ZCCHC18: variants seen among roughly 807,000 people sequenced by gnomAD.
ZCCHC18 encodes the protein zinc finger CCHC domain-containing protein 18.
For missense variants in ZCCHC18, 292 were observed against 305.1 expected (o/e 0.96, Z 0.32); for synonymous variants, 112 against 115.7 (o/e 0.97, Z 0.21).
In ZCCHC18 at chrX:104,114,454, C is replaced by T. The variant is rs782648857; in HGVS notation, c.343C>T (p.Arg115Trp). The T allele has an allele frequency of 3.3e-6, 4 of 1,209,783 alleles. No individual in the cohort carries two copies. Among genetic ancestry groups the T allele is most frequent in the East Asian group, 5.9e-5 (2 of 33,765 alleles). ...NPNLSVADFL[R>W]AMKLVFGESE... ...CAACCTAAGTGTAGCAGATTTCTTGCGGGCAATGAAATTGGTGTTTGGGGA... is the reference window on the plus strand; with the variant it reads ...CAACCTAAGTGTAGCAGATTTCTTGTGGGCAATGAAATTGGTGTTTGGGGA... Residue 115 changes from arginine to tryptophan, a missense_variant, in exon 3 of 3, where the codon CGG (arginine) becomes TGG (tryptophan). By Grantham distance (101) the Arg-to-Trp change is moderately radical (BLOSUM62 -3). Coordinates refer to ENST00000650639, the MANE Select transcript of ZCCHC18 (RefSeq NM_001143978.3).
Position 104,114,963 on chromosome X carries a change from T to C in ZCCHC18, c.852T>C (p.Ser284=). ...ATGAGGATGTGATCCTGGTGGTGTCTCTGTACCCTTCACTGACACCTACAG... is the reference window on the plus strand; with the variant it reads ...ATGAGGATGTGATCCTGGTGGTGTCCCTGTACCCTTCACTGACACCTACAG... ...DSDEDVILVV[S]LYPSLTPTGA... The change falls in exon 3 of 3, where the codon TCT becomes TCC. Residue 284 remains serine (S), a synonymous_variant. Transcript: ENST00000650639. 3.3e-6 allele frequency: 4 copies of C among 1,194,662 alleles called. No individual in the cohort carries two copies. The highest frequency in any genetic ancestry group is 4.5e-6 in the Non-Finnish European group (4 of 886,516).
rs1569461044 is a variant in ZCCHC18 at position 104,113,814 on chromosome X, C to G, written c.-298C>G. 7.1e-6 allele frequency: 2 copies of G among 280,481 alleles called. No individual in the cohort carries two copies. Among genetic ancestry groups the G allele is most frequent in the African/African-American group, 5.5e-5 (2 of 36,327 alleles). 23.1% of individuals were successfully genotyped at this position (280,481 alleles called of 1,213,427 possible). A position where few individuals can be genotyped will look rare whatever the true frequency, so the allele number is the denominator to read the frequency against. ...GTGGCTCTGAAAAACTACCTACTAG[C>G]CCAGGGACACCTGCTAGCTCTGGAA... On this transcript the variant is annotated 5_prime_UTR_variant, in exon 3 of 3. Transcript: ENST00000650639.
rs1337899629 is a variant in ZCCHC18, at chrX:104,114,302, G to A, written c.191G>A (p.Trp64Ter). The A allele has an allele frequency of 1.7e-6, 2 of 1,211,279 alleles. No homozygotes were observed. Among genetic ancestry groups the A allele is most frequent in the East Asian group, 3.0e-5 (1 of 33,831 alleles). ...CAGGGGAAAGAAACCTTTGAAAACT[G>A]GCTGATCCAAGTCAATGAGGTCCTG... The part of the protein sequence containing the change: ...PAQGKETFEN[W>*]LIQVNEVLPD... The change falls in exon 3 of 3, where the codon TGG (tryptophan) becomes TAG (stop). Residue 64 changes from tryptophan (W) to a stop codon, truncating the protein, a stop_gained. Transcript: ENST00000650639. LOFTEE classifies it low-confidence loss of function (END_TRUNC).
chrX:104,114,412 C>T lies in ZCCHC18; in HGVS notation c.301C>T (p.Leu101Phe). The T allele has an allele frequency of 1.7e-6, 2 of 1,212,056 alleles. No homozygotes were observed. Among genetic ancestry groups the T allele is most frequent in the Non-Finnish European group, 2.2e-6 (2 of 895,591 alleles). ...CCCTGCCCGGGAGGTCATGCGTTTG[C>T]TTCAGGCGGCCAACCCCAACCTAAG... ...RGPAREVMRL[L>F]QAANPNLSVA... is the part of the protein sequence containing the mutation. Residue 101 changes from leucine to phenylalanine, a missense_variant, in exon 3 of 3, where the codon CTT becomes TTT. Leu to Phe is a conservative substitution (Grantham distance 22, BLOSUM62 0). Coordinates refer to ENST00000650639, the MANE Select transcript of ZCCHC18 (RefSeq NM_001143978.3).
rs1556360082 is a variant in ZCCHC18 at position 104,113,795 on chromosome X, C to G, written c.-317C>G. The stretch of plus-strand genomic sequence containing the variant: ...CAGGCAGGAGGGGATGGATGTGGCT[C>G]TGAAAAACTACCTACTAGCCCAGGG... On this transcript the variant is annotated 5_prime_UTR_variant, in exon 3 of 3. Coordinates refer to ENST00000650639, the MANE Select transcript of ZCCHC18 (RefSeq NM_001143978.3). 8.0e-6 allele frequency: 2 copies of G among 248,596 alleles called. No individual in the cohort carries two copies. Among genetic ancestry groups the G allele is most frequent in the African/African-American group, 5.6e-5 (2 of 35,433 alleles). 20.5% of individuals were successfully genotyped at this position (248,596 alleles called of 1,213,427 possible).
rs1569461117 is a variant in ZCCHC18, at chrX:104,114,150, G to A, written c.39G>A (p.Gln13=). ...SITACVGNSR[Q]QNAPLPPWAH... ...CTGCGTGTGTGGGTAACAGCAGGCA[G>A]CAGAATGCACCTTTGCCGCCTTGGG... The change falls in exon 3 of 3, where the codon CAG becomes CAA. Residue 13 remains glutamine, a synonymous_variant. Transcript: ENST00000650639. The A allele has an allele frequency of 8.3e-7, 1 of 1,211,204 alleles. No individual in the cohort carries two copies. Among genetic ancestry groups the A allele is most frequent in the Non-Finnish European group, 1.1e-6 (1 of 895,140 alleles).
In ZCCHC18 at chrX:104,115,710, G is replaced by C. The variant is rs1331360574; in HGVS notation, c.*387G>C. 1 of 162,040 alleles carries C rather than the reference G, an allele frequency of 6.2e-6. No homozygotes were observed. The highest frequency in any genetic ancestry group is 3.1e-5 in the African/African-American group (1 of 32,065). The allele number at this position is 162,040 out of a possible 1,213,427, so 13.4% of individuals were successfully genotyped here. On this transcript the variant is annotated 3_prime_UTR_variant, in exon 3 of 3. Transcript: ENST00000650639. The stretch of plus-strand genomic sequence containing the variant: ...TGAATGTCCTTCCAGATATCTCCCT[G>C]TACCTGTGTACCCAGATAGATATAT...
Position 104,115,162 on chromosome X carries a change from T to C in ZCCHC18, c.1051T>C (p.Tyr351His), listed in dbSNP as rs1389180199. Residue 351 changes from tyrosine (Y) to histidine (H), a missense_variant, in exon 3 of 3, where the codon TAT becomes CAT. Tyr to His is a moderately conservative substitution (Grantham distance 83). Transcript: ENST00000650639. ...RKRKYTTRCS[Y>H]CGEEGHSKET... Reference sequence around the variant, plus strand: ...GCGAAAATACACAACCCGCTGCTCATATTGTGGGGAGGAGGGCCACTCAAA... The same window carrying C: ...GCGAAAATACACAACCCGCTGCTCACATTGTGGGGAGGAGGGCCACTCAAA... The C allele has an allele frequency of 1.7e-6, 2 of 1,207,252 alleles. No homozygotes were observed. The highest frequency in any genetic ancestry group is 2.2e-5 in the Admixed American group (1 of 45,464).
chrX:104,113,873 T>C lies in ZCCHC18; in HGVS notation c.-239T>C, dbSNP rs1489807079. The C allele has an allele frequency of 1.4e-5, 6 of 425,277 alleles. 1 individual carries two copies. The highest frequency in any genetic ancestry group is 2.4e-5 in the Non-Finnish European group (6 of 254,300). 35.0% of individuals were successfully genotyped at this position (425,277 alleles called of 1,213,427 possible). On this transcript the variant is annotated 5_prime_UTR_variant, in exon 3 of 3. The change abolishes the stop of an existing upstream ORF in the 5' untranslated region. Transcript: ENST00000650639. ...TTGCCAGTCTCCTGCAGGGTATTGT[T>C]AAGGCACTGGGCAGATATAAAATGC...
chrX:104,114,168 G>A lies in ZCCHC18; in HGVS notation c.57G>A (p.Pro19=). Residue 19 remains proline (P), a synonymous_variant, in exon 3 of 3, where the codon CCG becomes CCA. Coordinates refer to ENST00000650639, the MANE Select transcript of ZCCHC18 (RefSeq NM_001143978.3). The part of the protein sequence containing the change: ...GNSRQQNAPL[P]PWAHSMLRSL... ...GCAGGCAGCAGAATGCACCTTTGCCGCCTTGGGCCCATTCCATGTTGAGGT... is the reference window on the plus strand; with the variant it reads ...GCAGGCAGCAGAATGCACCTTTGCCACCTTGGGCCCATTCCATGTTGAGGT... 1.7e-6 allele frequency: 2 copies of A among 1,210,105 alleles called. No homozygotes were observed. Among genetic ancestry groups the A allele is most frequent in the Non-Finnish European group, 2.2e-6 (2 of 894,578 alleles).
chrX:104,115,057 T>C lies in ZCCHC18; in HGVS notation c.946T>C (p.Ser316Pro). ...GCTGGTTATTGATTCCCCCAACAAT[T>C]CTGGGGCTCAGTCTCTTTCTACCAG... ...QVLVIDSPNN[S>P]GAQSLSTSGG... Residue 316 changes from serine (S) to proline (P), a missense_variant, in exon 3 of 3, where the codon TCT (serine) becomes CCT (proline). By Grantham distance (74) the Ser-to-Pro change is moderately conservative (BLOSUM62 -1). Transcript: ENST00000650639. The C allele has an allele frequency of 8.4e-7, 1 of 1,197,490 alleles. No individual in the cohort carries two copies. Among genetic ancestry groups the C allele is most frequent in the Non-Finnish European group, 1.1e-6 (1 of 888,039 alleles).
chrX:104,114,742 GAGTTAATCA>G lies in ZCCHC18; in HGVS notation c.634_642del (p.Leu212_Lys214del), dbSNP rs782764132. ...GCAGGAGCGGCTTCCCAATTTCCTGGAGTTAATCAAGATGATAAGGGAGGAAGAGGATTG... is the reference window on the plus strand; with the variant it reads ...GCAGGAGCGGCTTCCCAATTTCCTGGAGATGATAAGGGAGGAAGAGGATTG... On this transcript the variant is annotated inframe_deletion, in exon 3 of 3. Transcript: ENST00000650639. 1.7e-6 allele frequency: 2 copies of G among 1,210,205 alleles called. No homozygotes were observed. The highest frequency in any genetic ancestry group is 3.5e-5 in the African/African-American group (2 of 57,250).
chrX:104,114,768 A>G lies in ZCCHC18; in HGVS notation c.657A>G (p.Glu219=), dbSNP rs932346074. ...FLELIKMIRE[E]EDWDDAFIKR... is the part of the protein sequence containing the mutation. ...AGTTAATCAAGATGATAAGGGAGGA[A>G]GAGGATTGGGATGATGCTTTTATTA... The change falls in exon 3 of 3, where the codon GAA becomes GAG. Residue 219 remains glutamate (E), a synonymous_variant. Coordinates refer to ENST00000650639, the MANE Select transcript of ZCCHC18 (RefSeq NM_001143978.3). 14 of 1,211,739 alleles carry G rather than the reference A, an allele frequency of 1.2e-5. No homozygotes were observed. The Admixed American group carries it at 2.8e-4, about 24-fold the overall frequency.
chrX:104,114,549 C>A lies in ZCCHC18; in HGVS notation c.438C>A (p.Ser146=). 8.3e-7 allele frequency: 1 copy of A among 1,211,616 alleles called. No individual in the cohort carries two copies. Among genetic ancestry groups the A allele is most frequent in the Non-Finnish European group, 1.1e-6 (1 of 895,484 alleles). The change falls in exon 3 of 3, where the codon TCC becomes TCA. Residue 146 remains serine (S), a synonymous_variant. Transcript: ENST00000650639. The part of the protein sequence containing the change: ...NTLQAQGEKA[S]LYVIRLEVQL... ...TGCAGGCACAAGGGGAGAAAGCCTC[C>A]CTTTATGTGATCCGTTTAGAGGTGC...
rs141814862 is a variant in ZCCHC18, at chrX:104,115,011, A to T, written c.900A>T (p.Arg300Ser). 41 of 1,192,022 alleles carry T rather than the reference A, an allele frequency of 3.4e-5. No homozygotes were observed. In the Middle Eastern group the frequency reaches 9.2e-4, roughly 27 times the overall value. The change falls in exon 3 of 3, where the codon AGA (arginine) becomes AGT (serine). Residue 300 changes from arginine (R) to serine (S), a missense_variant. Transcript: ENST00000650639. ...CAGGTGCCCCTCCCTTCAGAGGAAGAGCCAGACCTCTGGATCAAGTGCTGG... is the reference window on the plus strand; with the variant it reads ...CAGGTGCCCCTCCCTTCAGAGGAAGTGCCAGACCTCTGGATCAAGTGCTGG... Reference protein sequence around the residue: ...TPTGAPPFRGRARPLDQVLVI... With the variant: ...TPTGAPPFRGSARPLDQVLVI...
rs1556360412 is a variant in ZCCHC18, at chrX:104,114,361, A to C, written c.250A>C (p.Lys84Gln). ...GAGTATGTCTGAGGAGGAAAAACTC[A>C]AGCGCTTGATGAAAACACTTAGGGG... is the stretch of plus-strand genomic sequence containing the variant. The part of the protein sequence containing the change: ...DWSMSEEEKL[K>Q]RLMKTLRGPA... The change falls in exon 3 of 3, where the codon AAG (lysine) becomes CAG (glutamine). Residue 84 changes from lysine (K) to glutamine (Q), a missense_variant. Coordinates refer to ENST00000650639, the MANE Select transcript of ZCCHC18 (RefSeq NM_001143978.3). The C allele has an allele frequency of 2.2e-5, 27 of 1,209,826 alleles. No homozygotes were observed. Among genetic ancestry groups the C allele is most frequent in the Non-Finnish European group, 3.0e-5 (27 of 895,144 alleles).
rs1285334399 is a variant in ZCCHC18 at position 104,112,619 on chromosome X, T to C, written c.-1113T>C. On this transcript the variant is annotated 5_prime_UTR_variant, in exon 1 of 3. Transcript: ENST00000650639. Reference sequence around the variant, plus strand: ...GCAGCCTTGGCTGCCTTGGGAACCGTGCTGCCTCGACTCGGCTACCCCTCG... The same window carrying C: ...GCAGCCTTGGCTGCCTTGGGAACCGCGCTGCCTCGACTCGGCTACCCCTCG... 2 of 113,650 alleles carry C rather than the reference T, an allele frequency of 1.8e-5. No individual in the cohort carries two copies. The highest frequency in any genetic ancestry group is 6.4e-5 in the African/African-American group (2 of 31,352). The allele number at this position is 113,650 out of a possible 1,213,427, so 9.4% of individuals were successfully genotyped here.
rs144116434 is a variant in ZCCHC18, at chrX:104,115,271, A to T, written c.1160A>T (p.Glu387Val). The T allele has an allele frequency of 9.3e-4, 1,106 of 1,183,403 alleles. 8 individuals carry two copies. The East Asian group carries it at 0.024, about 25-fold the overall frequency. The change falls in exon 3 of 3, where the codon GAG (glutamate) becomes GTG (valine). Residue 387 changes from glutamate (E) to valine (V), a missense_variant. Physicochemically the swap from Glu to Val is moderately radical, Grantham distance 121 (BLOSUM62 -2). Coordinates refer to ENST00000650639, the MANE Select transcript of ZCCHC18 (RefSeq NM_001143978.3). The stretch of plus-strand genomic sequence containing the variant: ...CTGCAGGAGCTGACACATACAGAGG[A>T]GAGGTCAAAAGAGGTCCCTGGAGAA... Reference protein sequence around the residue: ...ITLQELTHTEERSKEVPGEHS... With the variant: ...ITLQELTHTEVRSKEVPGEHS...
rs781926168 is a variant in ZCCHC18, at chrX:104,114,879, C to T, written c.768C>T (p.Ile256=). The T allele has an allele frequency of 1.3e-5, 16 of 1,206,288 alleles. No homozygotes were observed. Among genetic ancestry groups the T allele is most frequent in the Non-Finnish European group, 1.7e-5 (15 of 892,334 alleles). ...TTCAGGGCGCCCAGCCAATAGCAAT[C>T]AGCAGTGCTGACTGTAACTGCAACG... ...VAFQGAQPIA[I]SSADCNCNVI... Residue 256 remains isoleucine (I), a synonymous_variant, in exon 3 of 3, where the codon ATC becomes ATT. Coordinates refer to ENST00000650639, the MANE Select transcript of ZCCHC18 (RefSeq NM_001143978.3).
Sources: allele counts gnomAD v4.1 joint callset, GRCh38; gene constraint gnomAD v4.1.1; transcripts MANE v1.5; gene names NCBI Gene and HGNC (gene_info 2026-07-23, HGNC 2026-07-21).